MAGI1: variants seen among roughly 807,000 people sequenced by gnomAD.
MAGI1 encodes the protein membrane-associated guanylate kinase, WW and PDZ domain-containing protein 1.
MAGI1 carries 58 observed loss-of-function variants against 139.9 expected under a neutral mutation model. The ratio of observed to expected loss-of-function variants is 0.41; its 90% CI spans 0.34 to 0.52. The LOEUF is 0.52. MAGI1 is among the 20% of genes least tolerant of loss of function. The probability of loss-of-function intolerance (pLI) is 0.12; values close to 1 mark genes in which losing one functional copy is unlikely to be tolerated. For synonymous variants in MAGI1, 812 were observed against 737.9 expected, an observed-to-expected ratio of 1.10 and a Z score of -1.63; for missense variants, 1,874 against 1,901.6, an observed-to-expected ratio of 0.99 and a Z score of 0.27.
chr3:65,400,019 A>G (rs1944726861), intron 13 of MAGI1, among the ~76,000 whole-genome samples: 2 of 152,156 alleles, frequency 1.3e-5, no homozygotes, highest in Non-Finnish European at 2.9e-5. Context: ...GTTGGGGAGA[A>G]AAAAGGAGGG....
At chr3:65,731,489 A>T (rs1328665678) in intron 1 of MAGI1, among the ~76,000 whole-genome samples, 1 of 71,992 alleles carries the variant, frequency 1.4e-5, no homozygotes, top group Non-Finnish European at 3.5e-5. Flanking sequence ...CCTATCTCTT[A>T]AAAAAAAAAA....
chr3:66,021,558 G>A (rs2067960520), intron 1 of MAGI1, among the ~76,000 whole-genome samples: 1 of 152,158 alleles, frequency 6.6e-6, no homozygotes, highest in Admixed American at 6.5e-5. Context: ...TAGATAACTG[G>A]AAGAAAGGCC....
chr3:65,918,622 G>A (rs560502406), intron 1 of MAGI1, among the ~76,000 whole-genome samples: 17 of 152,040 alleles, frequency 1.1e-4, no homozygotes, highest in Admixed American at 2.6e-4. Flanking sequence ...CTCATGATCC[G>A]CCTGCCTTGG....
chr3:65,473,312 G>A (rs535588757), intron 4 of MAGI1, among the ~76,000 whole-genome samples: 1 of 152,090 alleles, frequency 6.6e-6, no homozygotes, highest in Admixed American at 6.6e-5. Flanking sequence ...TTAACTTTCT[G>A]AGCACATATT....
intron 1 of MAGI1, among the ~76,000 whole-genome samples, chr3:65,959,333 T>C (rs765711181): frequency 6.6e-6 from 1 of 152,206 alleles, no homozygotes; most frequent in Non-Finnish European, 1.5e-5. Flanking sequence ...GTTGTCTTTA[T>C]CCTCTTAGCT....
chr3:65,504,415 T>C (rs1038312526), intron 2 of MAGI1, among the ~76,000 whole-genome samples: 2 of 152,216 alleles, frequency 1.3e-5, no homozygotes, highest in Non-Finnish European at 2.9e-5. Context: ...AATATTATTA[T>C]CCTATGTCAC....
intron 1 of MAGI1, among the ~76,000 whole-genome samples, chr3:65,785,398 T>A (rs1210059394): frequency 6.6e-6 from 1 of 152,174 alleles, no homozygotes. Context: ...AAGACAATAG[T>A]GTCACCAAGG....
chr3:65,531,907 A>G (rs554936363), intron 2 of MAGI1, among the ~76,000 whole-genome samples: 1 of 152,212 alleles, frequency 6.6e-6, no homozygotes, highest in South Asian at 2.1e-4. Flanking sequence ...GTAAGTTTTC[A>G]ATAAAGAATT....
intron 1 of MAGI1, among the ~76,000 whole-genome samples, chr3:65,835,565 T>C (rs968689028): frequency 2.0e-5 from 3 of 152,174 alleles, no homozygotes; most frequent in Admixed American, 6.5e-5. Flanking sequence ...CTCATGAGTA[T>C]GATAAAGGCC....
chr3:65,886,499 A>C (rs1291201396), intron 1 of MAGI1, among the ~76,000 whole-genome samples: 1 of 152,008 alleles, frequency 6.6e-6, no homozygotes, highest in Non-Finnish European at 1.5e-5. Flanking sequence ...GGCTGCCCTC[A>C]TTAAAGGCTT....
chr3:65,947,938 C>CTTT (rs763826259), intron 1 of MAGI1, among the ~76,000 whole-genome samples: 25 of 127,870 alleles, frequency 2.0e-4, no homozygotes, highest in South Asian at 5.2e-4. Flanking sequence ...ATATCTTTCT[C>CTTT]TTTTTTTTTT....
chr3:66,024,315 TAAAAAAAAAAAA>T (rs34593257), intron 1 of MAGI1, among the ~76,000 whole-genome samples: 3 of 95,778 alleles, frequency 3.1e-5, no homozygotes, highest in East Asian at 3.1e-4. Context: ...CAAAGTTCAT[TAAAAAAAAAAAA>T]AAAAAAAAAA....
At chr3:65,504,896 G>A (rs183598322) in intron 2 of MAGI1, among the ~76,000 whole-genome samples, 58 of 152,142 alleles carry the variant, frequency 3.8e-4, no homozygotes, top group Admixed American at 1.0e-3. Flanking sequence ...TGGAAACCTC[G>A]CATTCATTAA....
At chr3:65,509,877 G>C (rs913616573) in intron 2 of MAGI1, among the ~76,000 whole-genome samples, 1 of 152,174 alleles carries the variant, frequency 6.6e-6, no homozygotes, top group Non-Finnish European at 1.5e-5. Context: ...AAAGACAGCA[G>C]TAACCTCTGC....
chr3:65,800,413 T>C (rs1360896016), intron 1 of MAGI1, among the ~76,000 whole-genome samples: 4 of 152,166 alleles, frequency 2.6e-5, no homozygotes, highest in Non-Finnish European at 5.9e-5. Flanking sequence ...TTAGTAATTG[T>C]GAATTTCTTT....
chr3:65,401,379 T>TC, intron 13 of MAGI1, 60 bp downstream of exon 13: 23 of 427,296 alleles, frequency 5.4e-5, no homozygotes, highest in Admixed American at 2.6e-4. Flanking sequence ...CCCTCCCACC[T>TC]CCAGCCCCCC....
intron 1 of MAGI1, among the ~76,000 whole-genome samples, chr3:65,901,904 G>A (rs964428558): frequency 4.0e-5 from 6 of 151,038 alleles, no homozygotes; most frequent in Non-Finnish European, 7.4e-5. Context: ...AAATACTTAC[G>A]AGGTTTTAAA....
At chr3:65,700,139 T>C (rs937343813) in intron 1 of MAGI1, among the ~76,000 whole-genome samples, 6 of 152,246 alleles carry the variant, frequency 3.9e-5, no homozygotes, top group African/African-American at 7.2e-5. Context: ...ATGGTTGAGA[T>C]AGCCTCTAAA....
At chr3:65,916,454 C>T (rs1050378537) in intron 1 of MAGI1, among the ~76,000 whole-genome samples, 3 of 152,104 alleles carry the variant, frequency 2.0e-5, no homozygotes, top group African/African-American at 4.8e-5. Flanking sequence ...TGGCAGAAGG[C>T]GAAAGGCACA....
Sources: allele counts gnomAD v4.1 joint callset (sites outside exome capture counted in the v4.1 genomes callset), GRCh38; gene constraint gnomAD v4.1.1; transcripts MANE v1.5; gene names NCBI Gene and HGNC (gene_info 2026-07-23, HGNC 2026-07-21).